Variants in ADRA1A observed in about 807,000 individuals in gnomAD.
The protein encoded by ADRA1A is adrenoceptor alpha 1A.
ADRA1A carries 31 observed loss-of-function variants against 29.6 expected under a neutral mutation model. The ratio of observed to expected loss-of-function variants is 1.05; its 90% CI spans 0.79 to 1.41. The LOEUF (loss-of-function observed/expected upper bound fraction) is 1.41, where lower values mean the gene tolerates loss of function less well. Ranked by LOEUF, ADRA1A falls within the 40% of genes most tolerant of loss-of-function variation. ADRA1A has a pLI of 0.00. For synonymous variants in ADRA1A, 311 were observed against 254.3 expected, an observed-to-expected ratio of 1.22 and a Z score of -2.12; for missense variants, 619 against 601.1, an observed-to-expected ratio of 1.03 and a Z score of -0.31.
rs114315860 is a variant in ADRA1A, at chr8:26,840,264, A to T, written c.883+23823T>A. On this transcript the variant is annotated intron_variant, in intron 2 of 2. Coordinates refer to ENST00000380573, the MANE Select transcript of ADRA1A (RefSeq NM_000680.4). ...GATGGGAGACTGGAAATCCCTGGGC[A>T]TTTGGTCAGCACAGTAGCAGAGTGC... is the stretch of plus-strand genomic sequence containing the variant. Among the ~76,000 whole-genome samples, 446 of 152,320 alleles carry T rather than the reference A, an allele frequency of 2.9e-3. 2 individuals carry two copies. The highest frequency in any genetic ancestry group is 0.01 in the African/African-American group (423 of 41,568).
intron 2 of ADRA1A, among the ~76,000 whole-genome samples, chr8:26,759,793 A>G (rs1805403109): frequency 6.6e-6 from 1 of 152,234 alleles, no homozygotes; most frequent in South Asian, 2.1e-4. Flanking sequence ...ATTTTTAAAG[A>G]TAAATCAATA....
intron 2 of ADRA1A, among the ~76,000 whole-genome samples, chr8:26,859,524 T>C (rs1813291860): frequency 6.6e-6 from 1 of 152,232 alleles, no homozygotes. Context: ...ATTTGTCTCC[T>C]TAACTAGACT....
At chr8:26,844,652 TG>T (rs1812070125) in intron 2 of ADRA1A, among the ~76,000 whole-genome samples, 1 of 152,188 alleles carries the variant, frequency 6.6e-6, no homozygotes, top group Admixed American at 6.5e-5. Context: ...CTTCAATAGA[TG>T]ATGCTTGGAC....
intron 2 of ADRA1A, among the ~76,000 whole-genome samples, chr8:26,812,758 G>A (rs4732661): frequency 0.39 from 58,817 of 151,362 alleles, 12,102 homozygotes; most frequent in East Asian, 0.59. Context: ...TCCGCCTCCC[G>A]GGTTCACGCC....
At chr8:26,791,008 A>G (rs1428676229) in intron 2 of ADRA1A, among the ~76,000 whole-genome samples, 1 of 152,044 alleles carries the variant, frequency 6.6e-6, no homozygotes, top group Non-Finnish European at 1.5e-5. Flanking sequence ...ACACACACTC[A>G]CACACACACA....
intron 2 of ADRA1A, among the ~76,000 whole-genome samples, chr8:26,778,746 A>G (rs1806730880): frequency 7.1e-6 from 1 of 140,754 alleles, no homozygotes; most frequent in Non-Finnish European, 1.5e-5. Flanking sequence ...TTGAACAATG[A>G]CTATACTTGG....
chr8:26,832,697 G>A (rs185567304), intron 2 of ADRA1A, among the ~76,000 whole-genome samples: 1 of 152,284 alleles, frequency 6.6e-6, no homozygotes, highest in East Asian at 1.9e-4. Context: ...CTGAGAAACA[G>A]GCTCTGGGAA....
chr8:26,864,562 G>A lies in ADRA1A; in HGVS notation c.408C>T (p.Thr136=). 1 of 1,614,140 alleles carries A rather than the reference G, an allele frequency of 6.2e-7. No individual in the cohort carries two copies. Among genetic ancestry groups the A allele is most frequent in the Non-Finnish European group, 8.5e-7 (1 of 1,180,028 alleles). Reference sequence around the variant, plus strand: ...TGAGACCCCTCCTCTGGGTGACGATGGTTGGGTAGCGCAGCGGGTAGCTCA... The same window carrying A: ...TGAGACCCCTCCTCTGGGTGACGATAGTTGGGTAGCGCAGCGGGTAGCTCA... ...IGVSYPLRYP[T]IVTQRRGLMA... Residue 136 remains threonine (T), a synonymous_variant, in exon 2 of 3, where the codon ACC becomes ACT. Coordinates refer to ENST00000380573, the MANE Select transcript of ADRA1A (RefSeq NM_000680.4). The surrounding 1 kb of genome is among the most constrained non-coding windows in gnomAD (Gnocchi z 8.1).
At chr8:26,807,132 T>C (rs996334549) in intron 2 of ADRA1A, among the ~76,000 whole-genome samples, 1 of 152,052 alleles carries the variant, frequency 6.6e-6, no homozygotes, top group Non-Finnish European at 1.5e-5. Context: ...CTATTACCCT[T>C]CATAAGAATC....
At chr8:26,795,610 T>G (rs1387392430) in intron 2 of ADRA1A, among the ~76,000 whole-genome samples, 1 of 152,054 alleles carries the variant, frequency 6.6e-6, no homozygotes, top group Non-Finnish European at 1.5e-5. Flanking sequence ...ATTAATAAAT[T>G]TAGGCAATTA....
At chr8:26,842,025 G>A (rs1811849043) in intron 2 of ADRA1A, among the ~76,000 whole-genome samples, 2 of 151,996 alleles carry the variant, frequency 1.3e-5, no homozygotes, top group South Asian at 4.2e-4. Flanking sequence ...CATTCCCTTA[G>A]CTTTGCTATT....
intron 2 of ADRA1A, among the ~76,000 whole-genome samples, chr8:26,858,505 C>A (rs1467929245): frequency 1.3e-5 from 2 of 152,160 alleles, no homozygotes; most frequent in Admixed American, 6.5e-5. Flanking sequence ...TATATAACAT[C>A]CCCTGTTATA....
chr8:26,831,943 T>C lies in ADRA1A; in HGVS notation c.883+32144A>G, dbSNP rs1811002632. Among the ~76,000 whole-genome samples the C allele has an allele frequency of 6.6e-6, 1 of 152,114 alleles. No homozygotes were observed. Among genetic ancestry groups the C allele is most frequent in the Admixed American group, 6.5e-5 (1 of 15,280 alleles). ...GAGACACCTGGGCCTGGCCGTGTGG[T>C]TTGTAGGCTGGAGTGGGGACAGAGG... On this transcript the variant is annotated intron_variant, in intron 2 of 2. Coordinates refer to ENST00000380573, the MANE Select transcript of ADRA1A (RefSeq NM_000680.4). The surrounding 1 kb of genome is among the most constrained non-coding windows in gnomAD (Gnocchi z 5.2).
intron 2 of ADRA1A, among the ~76,000 whole-genome samples, chr8:26,842,297 A>G (rs1003070160): frequency 6.6e-6 from 1 of 152,210 alleles, no homozygotes; most frequent in African/African-American, 2.4e-5. Flanking sequence ...AGAGGCTACC[A>G]TATTGGACAG....
At chr8:26,832,969 G>C (rs925037951) in intron 2 of ADRA1A, among the ~76,000 whole-genome samples, 1 of 152,222 alleles carries the variant, frequency 6.6e-6, no homozygotes, top group Admixed American at 6.5e-5. Flanking sequence ...GAGCTGCCAG[G>C]CATTGGCCCT....
chr8:26,818,581 G>A (rs780549855), intron 2 of ADRA1A, among the ~76,000 whole-genome samples: 11 of 151,912 alleles, frequency 7.2e-5, no homozygotes, highest in Non-Finnish European at 1.5e-4. Flanking sequence ...TTCCTAGTTC[G>A]TTTTATATGA....
rs1482185797 is a variant in ADRA1A, at chr8:26,864,871, C to G, written c.99G>C (p.Leu33Phe). 1.2e-6 allele frequency: 2 copies of G among 1,613,998 alleles called. No homozygotes were observed. Among genetic ancestry groups the G allele is most frequent in the African/African-American group, 2.7e-5 (2 of 74,934 alleles). ...GCACCCCGAAAAGAATGAGGCCCCC[C>G]AAGATCACCCCGAGCAGAATGGCCT... Reference protein sequence around the residue: ...ISKAILLGVILGGLILFGVLG... With the variant: ...ISKAILLGVIFGGLILFGVLG... The change falls in exon 2 of 3, where the codon TTG becomes TTC. Residue 33 changes from leucine to phenylalanine, a missense_variant. Physicochemically the swap from Leu to Phe is conservative, Grantham distance 22 (BLOSUM62 0). Transcript: ENST00000380573. The surrounding 1 kb of genome is among the most constrained non-coding windows in gnomAD (Gnocchi z 8.1).
rs541886239 is a variant in ADRA1A at position 26,774,175 on chromosome 8, G to A, written c.884-3509C>T. On this transcript the variant is annotated intron_variant, in intron 2 of 2. Transcript: ENST00000380573. ...AGCCAGATGTGTGTAAGCCTAGCACGGATTTGCATGCTCCCAAACTGATAG... is the reference window on the plus strand; with the variant it reads ...AGCCAGATGTGTGTAAGCCTAGCACAGATTTGCATGCTCCCAAACTGATAG... Among the ~76,000 whole-genome samples the A allele has an allele frequency of 7.9e-5, 12 of 152,266 alleles. 1 individual carries two copies. In the South Asian group the frequency reaches 2.3e-3, roughly 29 times the overall value.
intron 2 of ADRA1A, among the ~76,000 whole-genome samples, chr8:26,839,518 C>G (rs1322693086): frequency 6.6e-6 from 1 of 152,144 alleles, no homozygotes; most frequent in African/African-American, 2.4e-5. Context: ...CTGACTGTAC[C>G]TGTACAATGA....
Sources: gnomAD v4.1 joint callset for allele counts (sites outside exome capture counted in the v4.1 genomes callset) on GRCh38, gnomAD v4.1.1 for gene constraint, Gnocchi (gnomAD v3.1) non-coding constraint, MANE v1.5 for transcripts, NCBI Gene and HGNC (gene_info 2026-07-23, HGNC 2026-07-21) for gene names.